The following B3GALT1 variants were observed in gnomAD, a reference collection of about 807,000 sequenced individuals.
B3GALT1 encodes the protein UDP-Gal:betaGlcNAc beta 1,3-galactosyltransferase, polypeptide 1.
B3GALT1 carries 10 observed loss-of-function variants against 23.2 expected under a neutral mutation model. The ratio of observed to expected loss-of-function variants is 0.43; its 90% confidence interval spans 0.27 to 0.73. The LOEUF (loss-of-function observed/expected upper bound fraction) is 0.73. Among genes scored for constraint, B3GALT1 ranks in the 30% least tolerant of loss-of-function variants. B3GALT1 has a pLI of 0.21. For missense variants in B3GALT1, 299 were observed against 405.4 expected (o/e 0.74, Z 2.25); for synonymous variants, 156 against 141.5 (o/e 1.10, Z -0.73).
intron 2 of B3GALT1, among the ~76,000 whole-genome samples, chr2:167,614,594 A>G (rs1163696559): frequency 1.3e-5 from 2 of 152,008 alleles, no homozygotes; most frequent in Non-Finnish European, 2.9e-5. Context: ...TGAATATAAG[A>G]TAAATGCAAG....
intron 1 of B3GALT1, among the ~76,000 whole-genome samples, chr2:167,301,529 C>T (rs1279998405): frequency 6.6e-6 from 1 of 152,106 alleles, no homozygotes; most frequent in Non-Finnish European, 1.5e-5. Context: ...CCTACCAAGA[C>T]CACATTCTTT....
intron 2 of B3GALT1, among the ~76,000 whole-genome samples, chr2:167,506,038 T>C (rs1699912436): frequency 1.3e-5 from 2 of 151,970 alleles, no homozygotes; most frequent in East Asian, 1.9e-4. Context: ...CCAGCCTGGG[T>C]GACAGAGCGA....
At chr2:167,341,222 A>G (rs1311660565) in intron 1 of B3GALT1, among the ~76,000 whole-genome samples, 1 of 152,194 alleles carries the variant, frequency 6.6e-6, no homozygotes, top group Non-Finnish European at 1.5e-5. Context: ...GGAAAAGCAC[A>G]TGATCTTTTT....
intron 3 of B3GALT1, among the ~76,000 whole-genome samples, chr2:167,717,514 T>G (rs1216877608): frequency 6.6e-6 from 1 of 152,140 alleles, no homozygotes; most frequent in African/African-American, 2.4e-5. Context: ...ACTTACTTAT[T>G]AAAAGTACTT....
At position 167,340,249 on chromosome 2, in the gene B3GALT1, C is replaced by T. The variant is rs566534515; in HGVS notation, c.-511+46915C>T. Among the ~76,000 whole-genome samples the T allele has an allele frequency of 4.9e-5, 7 of 143,878 alleles. No homozygotes were observed. In the South Asian group the frequency reaches 1.1e-3, roughly 23 times the overall value. 94.4% of individuals were successfully genotyped at this position (143,878 alleles called of 152,430 possible). On this transcript the variant is annotated intron_variant, in intron 1 of 4. Transcript: ENST00000392690. ...CCCTAGGTTCACTTAAAAATCTGAA[C>T]GTATTTAGAGGGTGATAAACCAGGC... is the stretch of plus-strand genomic sequence containing the variant.
chr2:167,512,608 G>GTA lies in B3GALT1; in HGVS notation c.-410+22342_-410+22343dup, dbSNP rs1273223578. Among the ~76,000 whole-genome samples, 18 of 80,160 alleles carry GTA rather than the reference G, an allele frequency of 2.2e-4. 1 individual carries two copies. Among genetic ancestry groups the GTA allele is most frequent in the South Asian group, 8.9e-4 (2 of 2,250 alleles). The allele number at this position is 80,160 out of a possible 152,430, so 52.6% of individuals were successfully genotyped here. ...TATATATATGTGTATATATATATAT[G>GTA]TATATATATATACGTGTATATATAT... On this transcript the variant is annotated intron_variant, in intron 2 of 4. Coordinates refer to ENST00000392690, the MANE Select transcript of B3GALT1 (RefSeq NM_020981.4).
At chr2:167,706,727 G>A (rs1686972306) in intron 3 of B3GALT1, among the ~76,000 whole-genome samples, 1 of 152,160 alleles carries the variant, frequency 6.6e-6, no homozygotes, top group South Asian at 2.1e-4. Flanking sequence ...ATGATTTTGG[G>A]ATACAATGCA....
intron 2 of B3GALT1, among the ~76,000 whole-genome samples, chr2:167,562,090 TC>T (rs1684009407): frequency 6.6e-6 from 1 of 152,104 alleles, no homozygotes; most frequent in African/African-American, 2.4e-5. Context: ...CAGCAGCACG[TC>T]AAAAAGCTTA....
chr2:167,809,512 C>G (rs1362251496), intron 3 of B3GALT1, among the ~76,000 whole-genome samples: 1 of 152,174 alleles, frequency 6.6e-6, no homozygotes. Context: ...AGACAGGACC[C>G]TCAGCTGCAG....
intron 2 of B3GALT1, among the ~76,000 whole-genome samples, chr2:167,627,412 T>C (rs556681757): frequency 2.6e-5 from 4 of 151,704 alleles, no homozygotes; most frequent in Non-Finnish European, 5.9e-5. Context: ...ACATGTAAAT[T>C]GAATCATGCA....
intron 2 of B3GALT1, among the ~76,000 whole-genome samples, chr2:167,595,409 A>G (rs993908192): frequency 3.3e-5 from 5 of 152,222 alleles, no homozygotes; most frequent in Admixed American, 1.3e-4. Flanking sequence ...TTAGAGCAAC[A>G]TGGTCCCGTT....
At chr2:167,480,819 A>G (rs966410914) in intron 1 of B3GALT1, among the ~76,000 whole-genome samples, 5 of 152,038 alleles carry the variant, frequency 3.3e-5, no homozygotes, top group Admixed American at 2.6e-4. Flanking sequence ...CTATCACCCA[A>G]CTGGCCAGAG....
At position 167,647,425 on chromosome 2, in the gene B3GALT1, T is replaced by C. The variant is rs144573681; in HGVS notation, c.-352+459T>C. On this transcript the variant is annotated intron_variant, in intron 3 of 4. Coordinates refer to ENST00000392690, the MANE Select transcript of B3GALT1 (RefSeq NM_020981.4). ...ATTTCTCTCATCCCATAAGTCTTTG[T>C]TTCTTCATCCTTCTGTAGAAATAGA... is the stretch of plus-strand genomic sequence containing the variant. 2.0e-3 allele frequency among the ~76,000 whole-genome samples: 307 copies of C among 152,328 alleles called. 1 individual carries two copies. The highest frequency in any genetic ancestry group is 7.1e-3 in the African/African-American group (295 of 41,572).
chr2:167,390,560 A>G (rs1698003091), intron 1 of B3GALT1, among the ~76,000 whole-genome samples: 1 of 152,028 alleles, frequency 6.6e-6, no homozygotes, highest in Non-Finnish European at 1.5e-5. Context: ...CTTTATCTCC[A>G]TGTTTTTTCC....
In B3GALT1 at chr2:167,349,278, CT is replaced by C. The variant is rs1697274444; in HGVS notation, c.-511+55948del. 5.3e-5 allele frequency among the ~76,000 whole-genome samples: 8 copies of C among 152,222 alleles called. 1 individual carries two copies. In the South Asian group the frequency reaches 1.7e-3, roughly 32 times the overall value. The stretch of plus-strand genomic sequence containing the variant: ...CTTTTTGCCTGGTACCTTAATCATC[CT>C]TTTGTCCAGCCTATCCACACTGTTG... On this transcript the variant is annotated intron_variant, in intron 1 of 4. Transcript: ENST00000392690.
chr2:167,419,621 CT>C lies in B3GALT1; in HGVS notation c.-510-70553del, dbSNP rs552291552. Reference sequence around the variant, plus strand: ...TTCAGGGAAAGTAAGGACAGAAAGCCTTTATTTGTATCATCATTCATACCCA... The same window carrying C: ...TTCAGGGAAAGTAAGGACAGAAAGCCTTATTTGTATCATCATTCATACCCA... On this transcript the variant is annotated intron_variant, in intron 1 of 4. Coordinates refer to ENST00000392690, the MANE Select transcript of B3GALT1 (RefSeq NM_020981.4). 1.0e-3 allele frequency among the ~76,000 whole-genome samples: 154 copies of C among 152,256 alleles called. 1 individual carries two copies. The highest frequency in any genetic ancestry group is 8.1e-3 in the South Asian group (39 of 4,826).
chr2:167,305,600 T>C (rs903643334), intron 1 of B3GALT1, among the ~76,000 whole-genome samples: 1 of 152,150 alleles, frequency 6.6e-6, no homozygotes, highest in South Asian at 2.1e-4. Flanking sequence ...TTGTCTTCAG[T>C]TGCACGGTTA....
In B3GALT1 at chr2:167,663,560, A is replaced by G. The variant is rs1372366308; in HGVS notation, c.-352+16594A>G. 9.7e-3 allele frequency among the ~76,000 whole-genome samples: 1,467 copies of G among 151,726 alleles called. 32 individuals carry two copies. The highest frequency in any genetic ancestry group is 0.034 in the African/African-American group (1,390 of 41,312). ...CACTGACTTCCACAATGGTTGAACT[A>G]GTTTACAGTCCCACCAACAGTGTAA... is the stretch of plus-strand genomic sequence containing the variant. On this transcript the variant is annotated intron_variant, in intron 3 of 4. Transcript: ENST00000392690.
At chr2:167,499,852 G>A (rs1397735798) in intron 2 of B3GALT1, among the ~76,000 whole-genome samples, 3 of 152,118 alleles carry the variant, frequency 2.0e-5, no homozygotes, top group African/African-American at 7.2e-5. Flanking sequence ...GAGGAAATAA[G>A]TGAGCCAACT....
Sources: allele counts gnomAD v4.1 joint callset (sites outside exome capture counted in the v4.1 genomes callset), GRCh38; gene constraint gnomAD v4.1.1; transcripts MANE v1.5; gene names NCBI Gene and HGNC (gene_info 2026-07-23, HGNC 2026-07-21).